Variants in MBTD1 observed in about 807,000 individuals in gnomAD.
MBTD1 encodes the protein mbt domain containing 1.
A neutral mutation model predicts 87.8 loss-of-function variants in MBTD1; 24 were observed. The observed-to-expected ratio is 0.27, with a 90% CI of 0.20 to 0.38. The LOEUF is 0.38. Among genes scored for constraint, MBTD1 ranks in the 10% least tolerant of loss-of-function variants. The pLI is 1.00. For synonymous variants in MBTD1, 237 were observed against 248.6 expected (o/e 0.95, Z 0.44); for missense variants, 436 against 760.2 (o/e 0.57, Z 5.02).
Position 51,202,733 on chromosome 17 carries a change from G to C in MBTD1, c.1031C>G (p.Ser344Cys). ...HSPLIHHIGW[S>C]RSIGHRFKRS... ...TTTGAATCGATGACCTATGCTTCGAGACCAACCAATATGATGTATTAATGG... is the reference window on the plus strand; with the variant it reads ...TTTGAATCGATGACCTATGCTTCGACACCAACCAATATGATGTATTAATGG... The change falls in exon 10 of 17, where the codon TCT (serine) becomes TGT (cysteine). Residue 344 changes from serine (S) to cysteine (C), a missense_variant. Physicochemically the swap from Ser to Cys is moderately radical, Grantham distance 112. Around this residue, in one of 5 missense-constraint regions of MBTD1, gnomAD observed 268 missense variants for 401.8 expected, o/e 0.67. Coordinates refer to ENST00000586178, the MANE Select transcript of MBTD1 (RefSeq NM_017643.3). The C allele has an allele frequency of 6.2e-7, 1 of 1,614,050 alleles. No individual in the cohort carries two copies. The highest frequency in any genetic ancestry group is 8.5e-7 in the Non-Finnish European group (1 of 1,179,978).
Position 51,190,721 on chromosome 17 carries a change from C to CA in MBTD1, c.1768+1481dup, listed in dbSNP as rs1165717944. Among the ~76,000 whole-genome samples, 245 of 35,160 alleles carry CA rather than the reference C, an allele frequency of 7.0e-3. 40 individuals are homozygous for CA. The highest frequency in any genetic ancestry group is 0.042 in the Middle Eastern group (1 of 24). 23.1% of individuals were successfully genotyped at this position (35,160 alleles called of 152,430 possible). A position where few individuals can be genotyped will look rare whatever the true frequency, so the allele number is the denominator to read the frequency against. On this transcript the variant is annotated intron_variant, in intron 16 of 16. Transcript: ENST00000586178. ...TGGGCGACAGACTGAGACTCTGTCT[C>CA]AAAAAAAAAAAAAAAAAAAAAAAAA...
intron 6 of MBTD1, among the ~76,000 whole-genome samples, chr17:51,212,437 ACT>A (rs1491272949): frequency 7.3e-6 from 1 of 137,298 alleles, no homozygotes; most frequent in African/African-American, 3.3e-5. Flanking sequence ...TGTACAAATG[ACT>A]TTTTTTTTTT....
chr17:51,223,561 C>T (rs558558426), intron 3 of MBTD1, among the ~76,000 whole-genome samples: 52 of 146,918 alleles, frequency 3.5e-4, no homozygotes, highest in African/African-American at 7.1e-4. Flanking sequence ...AAAGCCTGGG[C>T]GTGGTGGCTC....
intron 6 of MBTD1, among the ~76,000 whole-genome samples, chr17:51,214,274 A>T (rs931506183): frequency 1.3e-5 from 2 of 152,286 alleles, no homozygotes; most frequent in Admixed American, 1.3e-4. Flanking sequence ...GCCTAAGTAG[A>T]AATATTAAAT....
intron 6 of MBTD1, among the ~76,000 whole-genome samples, chr17:51,216,653 C>A (rs1326500348): frequency 1.3e-5 from 2 of 152,148 alleles, no homozygotes; most frequent in African/African-American, 4.8e-5. Flanking sequence ...GTTCAAATTG[C>A]AGATTTAAGT....
At chr17:51,259,554 G>A (rs1251848276) in intron 1 of MBTD1, among the ~76,000 whole-genome samples, 2 of 152,120 alleles carry the variant, frequency 1.3e-5, no homozygotes, top group Admixed American at 6.5e-5. Flanking sequence ...AGGGGGCGGG[G>A]GCAGGACGCA....
rs182264398 is a variant in MBTD1 at position 51,185,591 on chromosome 17, A to T, written c.1769-4897T>A. 13 of 152,294 alleles carry T rather than the reference A, an allele frequency of 8.5e-5. No individual in the cohort carries two copies. The East Asian group carries it at 2.5e-3, about 29-fold the overall frequency. The allele number at this position is 152,294 out of a possible 1,614,324, so 9.4% of individuals were successfully genotyped here. A position where few individuals can be genotyped will look rare whatever the true frequency, so the allele number is the denominator to read the frequency against. ...CTGCCACAACTAAAATTAAACTAGA[A>T]CTCAAAACACATCCTTTCCATGAAT... On this transcript the variant is annotated intron_variant, in intron 16 of 16. Transcript: ENST00000586178.
chr17:51,225,095 C>T lies in MBTD1; in HGVS notation c.67G>A (p.Glu23Lys). The change falls in exon 3 of 17, where the codon GAA becomes AAA. Residue 23 changes from glutamate (E) to lysine (K), a missense_variant. By Grantham distance (56) the Glu-to-Lys change is moderately conservative. Transcript: ENST00000586178. Reference protein sequence around the residue: ...SSSSSSEESEEEVAPLPSNLP... With the variant: ...SSSSSSEESEKEVAPLPSNLP... ...TTAGAAGGTAAAGGAGCGACTTCTT[C>T]CTCACTCTCTTCGGAGCTGGAGCTG... 1 of 1,551,622 alleles carries T rather than the reference C, an allele frequency of 6.4e-7. No individual in the cohort carries two copies. Among genetic ancestry groups the T allele is most frequent in the Non-Finnish European group, 8.7e-7 (1 of 1,146,868 alleles).
chr17:51,193,695 T>TA (rs2050923673), intron 13 of MBTD1, among the ~76,000 whole-genome samples, 185 bp from the exon 14 acceptor site: 2 of 152,362 alleles, frequency 1.3e-5, no homozygotes, highest in African/African-American at 4.8e-5. Flanking sequence ...AAAGGCTTAC[T>TA]GCAGCCTCAA....
At chr17:51,250,900 C>A (rs540983695) in intron 2 of MBTD1, 3 of 152,300 alleles carry the variant, frequency 2.0e-5, no homozygotes, top group Admixed American at 1.3e-4. Flanking sequence ...TGCTTTTCTT[C>A]AAGACTTTTT....
chr17:51,202,044 G>T lies in MBTD1; in HGVS notation c.1097C>A (p.Thr366Lys). 6.2e-7 allele frequency: 1 copy of T among 1,606,604 alleles called. No homozygotes were observed. Among genetic ancestry groups the T allele is most frequent in the Non-Finnish European group, 8.5e-7 (1 of 1,174,108 alleles). Reference sequence around the variant, plus strand: ...TACCTTAGCAAATAAATGTGGTGGTGTATCAAAATGTCCATCCTGTTTCTT... The same window carrying T: ...TACCTTAGCAAATAAATGTGGTGGTTTATCAAAATGTCCATCCTGTTTCTT... ...ITKKQDGHFD[T>K]PPHLFAKVKE... The change falls in exon 11 of 17, where the codon ACA (threonine) becomes AAA (lysine). Residue 366 changes from threonine to lysine, a missense_variant. Physicochemically the swap from Thr to Lys is moderately conservative, Grantham distance 78. This residue lies in a region of MBTD1 where 268 missense variants were observed against 401.8 expected (regional missense o/e 0.67). Coordinates refer to ENST00000586178, the MANE Select transcript of MBTD1 (RefSeq NM_017643.3).
chr17:51,244,114 GACC>G (rs2054300127), intron 2 of MBTD1, among the ~76,000 whole-genome samples: 1 of 152,086 alleles, frequency 6.6e-6, no homozygotes, highest in Admixed American at 6.6e-5. Flanking sequence ...TTTGAAATAT[GACC>G]ACATTGTTTC....
At chr17:51,221,852 G>T (rs904135859) in intron 3 of MBTD1, among the ~76,000 whole-genome samples, 1 of 152,140 alleles carries the variant, frequency 6.6e-6, no homozygotes, top group Non-Finnish European at 1.5e-5. Flanking sequence ...TGTGAATTTG[G>T]TATCTGAGGG....
At chr17:51,247,900 T>C (rs1347103507) in intron 2 of MBTD1, among the ~76,000 whole-genome samples, 1 of 152,256 alleles carries the variant, frequency 6.6e-6, no homozygotes, top group Non-Finnish European at 1.5e-5. Context: ...TTAGTTCTTC[T>C]AGGAAAATTG....
At chr17:51,202,678 G>A in intron 10 of MBTD1, 23 bp downstream of exon 10, 2 of 1,545,140 alleles carry the variant, frequency 1.3e-6, no homozygotes, top group South Asian at 1.1e-5. Flanking sequence ...CTTTTGACAG[G>A]AGTTCTTGTG....
intron 6 of MBTD1, 141 bp downstream of exon 6, chr17:51,217,193 G>C (rs1029638791): frequency 3.7e-6 from 2 of 538,300 alleles, no homozygotes; most frequent in Admixed American, 7.9e-5. Context: ...CTATTATTAA[G>C]TATAATAATA....
intron 2 of MBTD1, among the ~76,000 whole-genome samples, chr17:51,247,729 C>T (rs560489544): frequency 1.3e-5 from 2 of 152,108 alleles, no homozygotes; most frequent in Non-Finnish European, 2.9e-5. Flanking sequence ...GGATTACAGG[C>T]GTGAGCCACT....
chr17:51,258,028 A>C (rs1192589050), intron 2 of MBTD1, among the ~76,000 whole-genome samples: 1 of 151,312 alleles, frequency 6.6e-6, no homozygotes, highest in Non-Finnish European at 1.5e-5. Flanking sequence ...AAAAAAGTAC[A>C]GCTATTTTCT....
At chr17:51,207,380 A>G (rs1356070296) in intron 6 of MBTD1, among the ~76,000 whole-genome samples, 4 of 152,230 alleles carry the variant, frequency 2.6e-5, no homozygotes, top group African/African-American at 9.6e-5. Context: ...CTTTTAAAAG[A>G]TCTGGCCTAA....
Sources: allele counts gnomAD v4.1 joint callset (sites outside exome capture counted in the v4.1 genomes callset), GRCh38; gene constraint gnomAD v4.1.1; regional missense constraint gnomAD v4.1.1; transcripts MANE v1.5; gene names NCBI Gene and HGNC (gene_info 2026-07-23, HGNC 2026-07-21).